FOLH1: variants seen among roughly 807,000 people sequenced by gnomAD.
FOLH1 encodes folate hydrolase 1, also known as glutamate carboxypeptidase 2.
Under a neutral mutation model 93.9 loss-of-function variants are expected in FOLH1, and 54 were observed. That is an observed-to-expected ratio of 0.57 (90% CI 0.46 to 0.72). The LOEUF is 0.72. FOLH1 is among the 30% of genes least tolerant of loss of function. The pLI is 0.00. For missense variants in FOLH1, 571 were observed against 892.5 expected, an observed-to-expected ratio of 0.64 and a Z score of 4.59; for synonymous variants, 249 against 303.6, an observed-to-expected ratio of 0.82 and a Z score of 1.87.
chr11:49,208,416 G>T lies in FOLH1; in HGVS notation c.-7C>A, dbSNP rs1864219806. On this transcript the variant is annotated 5_prime_UTR_variant, in exon 1 of 19. Transcript: ENST00000256999. Reference sequence around the variant, plus strand: ...CGTGAAGGAGATTCCACATCTCGGCGCGAGCAGAGCCGGCCTCCCGGGACC... The same window carrying T: ...CGTGAAGGAGATTCCACATCTCGGCTCGAGCAGAGCCGGCCTCCCGGGACC... The T allele has an allele frequency of 1.3e-6, 2 of 1,583,756 alleles. No individual in the cohort carries two copies. Among genetic ancestry groups the T allele is most frequent in the Admixed American group, 1.8e-5 (1 of 57,050 alleles).
intron 6 of FOLH1, among the ~76,000 whole-genome samples, chr11:49,184,890 A>G (rs943045608): frequency 3.9e-5 from 6 of 152,202 alleles, no homozygotes; most frequent in African/African-American, 1.4e-4. Flanking sequence ...TAAGACTACT[A>G]TGTGGACTCT....
Position 49,154,292 on chromosome 11 carries a change from A to C in FOLH1, c.1824T>G (p.Ala608=). ...RDYAVVLRKY[A]DKIYSISMKH... ...TCATAGAAATACTGTAGATTTTGTC[A>C]GCATACTTTCTTAAAACTACAGCAT... Residue 608 remains alanine (A), a synonymous_variant, in exon 16 of 19, where the codon GCT becomes GCG. Transcript: ENST00000256999. The C allele has an allele frequency of 6.2e-7, 1 of 1,613,516 alleles. No individual in the cohort carries two copies. The highest frequency in any genetic ancestry group is 1.3e-5 in the African/African-American group (1 of 75,014).
intron 2 of FOLH1, among the ~76,000 whole-genome samples, chr11:49,201,729 A>G (rs1320959848): frequency 6.6e-6 from 1 of 152,164 alleles, no homozygotes; most frequent in Admixed American, 6.5e-5. Flanking sequence ...ACATATCGCT[A>G]TTTTCTTGAA....
chr11:49,158,633 T>C lies in FOLH1; in HGVS notation c.1441-590A>G, dbSNP rs186963782. On this transcript the variant is annotated intron_variant, in intron 13 of 18. Coordinates refer to ENST00000256999, the MANE Select transcript of FOLH1 (RefSeq NM_004476.3). Reference sequence around the variant, plus strand: ...ATATGGGCTCTTTTATGGATCCATATGAATTTTAAAACAGATTTTTCAAAT... The same window carrying C: ...ATATGGGCTCTTTTATGGATCCATACGAATTTTAAAACAGATTTTTCAAAT... 5.9e-3 allele frequency among the ~76,000 whole-genome samples: 900 copies of C among 152,310 alleles called. 13 individuals are homozygous for C. The highest frequency in any genetic ancestry group is 0.021 in the African/African-American group (861 of 41,572).
intron 7 of FOLH1, among the ~76,000 whole-genome samples, chr11:49,180,348 C>T (rs1453262854): frequency 1.3e-5 from 2 of 152,156 alleles, no homozygotes; most frequent in Admixed American, 6.5e-5. Context: ...CAAATTAAAA[C>T]CACATAATCA....
chr11:49,189,979 G>A (rs1404747740), intron 4 of FOLH1, among the ~76,000 whole-genome samples: 1 of 152,126 alleles, frequency 6.6e-6, no homozygotes, highest in Non-Finnish European at 1.5e-5. Flanking sequence ...TTCTTCCTAA[G>A]ACCAATGTAA....
intron 17 of FOLH1, among the ~76,000 whole-genome samples, 172 bp from the exon 18 acceptor site, chr11:49,148,903 G>A (rs1856098558): frequency 6.6e-6 from 1 of 152,162 alleles, no homozygotes; most frequent in Admixed American, 6.5e-5. Flanking sequence ...ACATGTATGT[G>A]AAAAGTCGGC....
At chr11:49,208,083 C>G in intron 1 of FOLH1, 1 of 626,744 alleles carries the variant, frequency 1.6e-6, no homozygotes, top group East Asian at 2.7e-5. Context: ...GACTGTCCTA[C>G]CAGCAGCTTG....
At chr11:49,173,309 C>T in intron 10 of FOLH1, 48 bp downstream of exon 10, 9 of 1,578,828 alleles carry the variant, frequency 5.7e-6, no homozygotes, top group Non-Finnish European at 7.8e-6. Flanking sequence ...GAAGACTAAA[C>T]TGAGACTCAG....
intron 3 of FOLH1, among the ~76,000 whole-genome samples, chr11:49,199,957 T>C (rs576753122): frequency 6.6e-6 from 1 of 152,222 alleles, no homozygotes; most frequent in South Asian, 2.1e-4. Flanking sequence ...AAGTATCTCT[T>C]TTTATGCTTG....
In FOLH1 at chr11:49,146,732, A is replaced by G. The variant is rs1247050524; in HGVS notation, c.*24T>C. On this transcript the variant is annotated 3_prime_UTR_variant, in exon 19 of 19. Coordinates refer to ENST00000256999, the MANE Select transcript of FOLH1 (RefSeq NM_004476.3). ...CTGAGTGACATACCACACAAATTCA[A>G]TACGGATTCTCTAAAGAATCCTCTT... The G allele has an allele frequency of 1.3e-6, 2 of 1,583,582 alleles. No homozygotes were observed. Among genetic ancestry groups the G allele is most frequent in the Non-Finnish European group, 1.7e-6 (2 of 1,164,814 alleles).
chr11:49,199,545 T>C (rs1400952287), intron 3 of FOLH1, among the ~76,000 whole-genome samples: 1 of 152,144 alleles, frequency 6.6e-6, no homozygotes, highest in Admixed American at 6.5e-5. Flanking sequence ...TGGGTCAAAC[T>C]GCATACTGGA....
intron 17 of FOLH1, among the ~76,000 whole-genome samples, chr11:49,149,233 G>A (rs1205161370): frequency 2.0e-5 from 3 of 152,082 alleles, no homozygotes; most frequent in Non-Finnish European, 4.4e-5. Flanking sequence ...TGATCTCTCG[G>A]TATAATGATC....
chr11:49,190,725 C>T (rs1257921449), intron 4 of FOLH1, among the ~76,000 whole-genome samples: 4 of 152,108 alleles, frequency 2.6e-5, no homozygotes, highest in Non-Finnish European at 5.9e-5. Context: ...TTATGAACAT[C>T]GCAAATTGCT....
At chr11:49,202,142 T>A (rs1292592267) in intron 2 of FOLH1, among the ~76,000 whole-genome samples, 8 of 152,194 alleles carry the variant, frequency 5.3e-5, no homozygotes, top group Non-Finnish European at 8.8e-5. Flanking sequence ...CTCATCTGTA[T>A]ATGGGGAGAA....
intron 7 of FOLH1, among the ~76,000 whole-genome samples, chr11:49,177,142 A>G (rs1398905123): frequency 6.6e-6 from 1 of 152,256 alleles, no homozygotes; most frequent in African/African-American, 2.4e-5. Context: ...CAGTAAGATC[A>G]CTTTCTCGTG....
At chr11:49,189,324 T>G (rs1176215255) in intron 4 of FOLH1, among the ~76,000 whole-genome samples, 2 of 152,338 alleles carry the variant, frequency 1.3e-5, no homozygotes, top group East Asian at 3.9e-4. Context: ...TTTTGGTTAT[T>G]GTTTTCCTTT....
chr11:49,195,696 C>T (rs2135277810), intron 3 of FOLH1, among the ~76,000 whole-genome samples: 1 of 151,958 alleles, frequency 6.6e-6, no homozygotes, highest in African/African-American at 2.4e-5. Context: ...AGCAAAAGCG[C>T]AAACAAATAA....
intron 13 of FOLH1, among the ~76,000 whole-genome samples, chr11:49,161,286 T>C (rs1003846537): frequency 3.3e-5 from 5 of 152,232 alleles, no homozygotes; most frequent in Admixed American, 3.3e-4. Context: ...CTCTAAGAAC[T>C]TGCCTTATGA....
Sources: allele counts gnomAD v4.1 joint callset (sites outside exome capture counted in the v4.1 genomes callset), GRCh38; gene constraint gnomAD v4.1.1; transcripts MANE v1.5; gene names NCBI Gene and HGNC (gene_info 2026-07-23, HGNC 2026-07-21).